Variants in ITFG1 observed in about 807,000 individuals in gnomAD.
The protein encoded by ITFG1 is integrin alpha FG-GAP repeat containing 1, also known as T-cell immunomodulatory protein.
A neutral mutation model predicts 81.8 loss-of-function variants in ITFG1; 34 were observed. The observed-to-expected ratio is 0.42, with a 90% CI of 0.32 to 0.55. The LOEUF is 0.55. ITFG1 is among the 20% of genes least tolerant of loss of function. ITFG1 has a pLI of 0.17. For synonymous variants in ITFG1, 285 were observed against 270.6 expected (o/e 1.05, Z -0.52); for missense variants, 672 against 755.4 (o/e 0.89, Z 1.29).
intron 8 of ITFG1, among the ~76,000 whole-genome samples, chr16:47,321,729 A>G (rs923654431): frequency 1.8e-4 from 28 of 152,204 alleles, no homozygotes; most frequent in African/African-American, 5.3e-4. Context: ...TACATTTTTG[A>G]TATCATAGGA....
intron 8 of ITFG1, among the ~76,000 whole-genome samples, chr16:47,316,237 CTTT>C (rs1967356406): frequency 6.6e-6 from 1 of 152,024 alleles, no homozygotes; most frequent in East Asian, 1.9e-4. Flanking sequence ...TTTTTAAAAG[CTTT>C]TTTATTTGGT....
intron 8 of ITFG1, chr16:47,317,476 A>G (rs1329047765): frequency 6.6e-6 from 1 of 152,220 alleles, no homozygotes. Flanking sequence ...GAATTGTTTA[A>G]GCAAATTAGA....
intron 8 of ITFG1, among the ~76,000 whole-genome samples, chr16:47,352,977 C>T (rs937737821): frequency 6.6e-6 from 1 of 151,660 alleles, no homozygotes; most frequent in Non-Finnish European, 1.5e-5. Flanking sequence ...CCAAACACCA[C>T]ATGTTCTCAC....
At chr16:47,442,351 A>G (rs934823549) in intron 5 of ITFG1, among the ~76,000 whole-genome samples, 1 of 152,178 alleles carries the variant, frequency 6.6e-6, no homozygotes, top group Non-Finnish European at 1.5e-5. Flanking sequence ...ATATGGAACC[A>G]AAAAAGAGCC....
chr16:47,338,171 A>T (rs1237762542), intron 8 of ITFG1, among the ~76,000 whole-genome samples: 1 of 152,226 alleles, frequency 6.6e-6, no homozygotes, highest in Non-Finnish European at 1.5e-5. Flanking sequence ...GCACTTTGGG[A>T]GTCTGAGGTG....
chr16:47,277,778 A>G (rs547346005), intron 10 of ITFG1, among the ~76,000 whole-genome samples: 1 of 152,226 alleles, frequency 6.6e-6, no homozygotes, highest in Non-Finnish European at 1.5e-5. Flanking sequence ...CAAAAAATAC[A>G]TACTACAACA....
At chr16:47,323,124 C>T (rs533135798) in intron 8 of ITFG1, among the ~76,000 whole-genome samples, 1 of 152,150 alleles carries the variant, frequency 6.6e-6, no homozygotes, top group East Asian at 1.9e-4. Flanking sequence ...CCCTCCAAAA[C>T]TCATGTTGAA....
intron 14 of ITFG1, among the ~76,000 whole-genome samples, chr16:47,182,369 ATTAC>A (rs1391243922): frequency 6.7e-6 from 1 of 149,924 alleles, no homozygotes; most frequent in Admixed American, 6.6e-5. Context: ...GACAACTGTT[ATTAC>A]TTAGGTGGCT....
At chr16:47,398,433 A>G (rs1291832149) in intron 6 of ITFG1, among the ~76,000 whole-genome samples, 2 of 152,220 alleles carry the variant, frequency 1.3e-5, no homozygotes, top group Non-Finnish European at 2.9e-5. Flanking sequence ...CTCCTCTTCA[A>G]GAAGGAAATC....
At chr16:47,332,073 G>T (rs1967644243) in intron 8 of ITFG1, among the ~76,000 whole-genome samples, 1 of 152,198 alleles carries the variant, frequency 6.6e-6, no homozygotes, top group African/African-American at 2.4e-5. Flanking sequence ...CAGTGTTGCG[G>T]TTTTCTCACT....
At chr16:47,181,473 C>T (rs1209735560) in intron 14 of ITFG1, among the ~76,000 whole-genome samples, 22 of 146,312 alleles carry the variant, frequency 1.5e-4, no homozygotes, top group South Asian at 4.3e-4. Flanking sequence ...CCCCCCCGCC[C>T]GGCCAGCCGC....
chr16:47,245,984 T>C (rs1965998215), intron 12 of ITFG1, among the ~76,000 whole-genome samples: 2 of 152,206 alleles, frequency 1.3e-5, no homozygotes, highest in South Asian at 4.1e-4. Flanking sequence ...CACATTATCC[T>C]ACGATGATAG....
intron 6 of ITFG1, among the ~76,000 whole-genome samples, chr16:47,379,517 G>A (rs996607427): frequency 1.3e-5 from 2 of 152,054 alleles, no homozygotes; most frequent in East Asian, 3.9e-4. Flanking sequence ...GTGAAACTCC[G>A]TCTCTACTAA....
intron 6 of ITFG1, among the ~76,000 whole-genome samples, chr16:47,419,187 T>C (rs1968910088): frequency 6.6e-6 from 1 of 152,234 alleles, no homozygotes; most frequent in South Asian, 2.1e-4. Flanking sequence ...CTGTCTATGT[T>C]GTCCAAGGTG....
chr16:47,329,974 A>C (rs1391123859), intron 8 of ITFG1, among the ~76,000 whole-genome samples: 1 of 152,154 alleles, frequency 6.6e-6, no homozygotes, highest in South Asian at 2.1e-4. Flanking sequence ...GCTTTTACAT[A>C]AGCCAAATGT....
chr16:47,256,394 G>A (rs1289507049), intron 12 of ITFG1, among the ~76,000 whole-genome samples: 1 of 152,126 alleles, frequency 6.6e-6, no homozygotes, highest in East Asian at 1.9e-4. Flanking sequence ...AATACTCATT[G>A]TTTCAATTAA....
At chr16:47,244,680 T>C (rs1169823294) in intron 12 of ITFG1, among the ~76,000 whole-genome samples, 2 of 144,916 alleles carry the variant, frequency 1.4e-5, no homozygotes, top group African/African-American at 5.1e-5. Context: ...ATGGACTGAA[T>C]GAGTACCCCC....
intron 13 of ITFG1, among the ~76,000 whole-genome samples, chr16:47,221,654 A>C (rs909401263): frequency 2.0e-5 from 3 of 152,156 alleles, no homozygotes; most frequent in African/African-American, 7.2e-5. Context: ...TTTCAGAAGG[A>C]ATGGTACCAG....
chr16:47,320,896 A>G (rs991590222), intron 8 of ITFG1, among the ~76,000 whole-genome samples: 16 of 152,220 alleles, frequency 1.1e-4, no homozygotes, highest in Non-Finnish European at 2.4e-4. Flanking sequence ...TGGAAATACT[A>G]AAACACTTGG....
Sources: gnomAD v4.1 joint callset for allele counts (sites outside exome capture counted in the v4.1 genomes callset) on GRCh38, gnomAD v4.1.1 for gene constraint, MANE v1.5 for transcripts, NCBI Gene and HGNC (gene_info 2026-07-23, HGNC 2026-07-21) for gene names.